TMEM59L: variants seen among roughly 807,000 people sequenced by gnomAD.
TMEM59L encodes transmembrane protein 59-like.
TMEM59L carries 31 observed loss-of-function variants against 39.6 expected under a neutral mutation model. The ratio of observed to expected loss-of-function variants is 0.78; its 90% CI spans 0.59 to 1.06. The LOEUF (loss-of-function observed/expected upper bound fraction) is 1.06, where lower values mean the gene tolerates loss of function less well. Among genes scored for constraint, TMEM59L ranks in the 50% least tolerant of loss-of-function variants. TMEM59L has a pLI of 0.00. For missense variants in TMEM59L, 441 were observed against 451.3 expected, an observed-to-expected ratio of 0.98 and a Z score of 0.21; for synonymous variants, 219 against 202.9, an observed-to-expected ratio of 1.08 and a Z score of -0.68.
intron 5 of TMEM59L, chr19:18,617,343 C>T (rs551213317): frequency 3.9e-5 from 24 of 612,290 alleles, no homozygotes; most frequent in Admixed American, 1.3e-4. Flanking sequence ...TCCATCTCCC[C>T]GGGTTCCATG....
chr19:18,618,195 C>T lies in TMEM59L; in HGVS notation c.705C>T (p.Ile235=), dbSNP rs1369708349. ...TGGACAAGGTGAGGAAGGCCAAGAT[C>T]CGAGTCAAGACCAGCAGCAAGGCCA... is the stretch of plus-strand genomic sequence containing the variant. ...GPLDKVRKAK[I]RVKTSSKAKV... Residue 235 remains isoleucine, a synonymous_variant, in exon 6 of 8, where the codon ATC becomes ATT. Coordinates refer to ENST00000262817, the MANE Select transcript of TMEM59L (RefSeq NM_012109.3). 6.2e-7 allele frequency: 1 copy of T among 1,613,600 alleles called. No individual in the cohort carries two copies. Among genetic ancestry groups the T allele is most frequent in the East Asian group, 2.2e-5 (1 of 44,860 alleles).
intron 4 of TMEM59L, among the ~76,000 whole-genome samples, chr19:18,616,484 C>T: frequency 6.6e-6 from 1 of 152,102 alleles, no homozygotes; most frequent in East Asian, 1.9e-4. Context: ...CCTCCACCTC[C>T]CAGGTTCAAG....
At chr19:18,619,293 C>T (rs777975790) in intron 7 of TMEM59L, among the ~76,000 whole-genome samples, 11 of 152,224 alleles carry the variant, frequency 7.2e-5, no homozygotes, top group Non-Finnish European at 1.6e-4. Flanking sequence ...CAGCCAGGAC[C>T]TCACACTTGC....
At chr19:18,613,775 G>A (rs533856562) in intron 1 of TMEM59L, 97 bp from the exon 2 acceptor site, 6 of 931,786 alleles carry the variant, frequency 6.4e-6, no homozygotes, top group Admixed American at 4.3e-5. Flanking sequence ...CGTGGGGAGC[G>A]GGGAAGCCTT....
intron 4 of TMEM59L, among the ~76,000 whole-genome samples, chr19:18,616,387 T>TGTTGTTG (rs370352685): frequency 1.5e-4 from 22 of 151,438 alleles, no homozygotes; most frequent in African/African-American, 3.2e-4. Context: ...GTGGTTTTTT[T>TGTTGTTG]TTGTTGTTGT....
At chr19:18,617,395 G>A (rs754244205) in intron 5 of TMEM59L, 24 of 526,876 alleles carry the variant, frequency 4.6e-5, no homozygotes, top group Middle Eastern at 2.8e-4. Flanking sequence ...TCAGGGTTCC[G>A]TGGCCCACCT....
At position 18,618,377 on chromosome 19, in the gene TMEM59L, G is replaced by A. The variant is rs766410383; in HGVS notation, c.785G>A (p.Arg262His). The change falls in exon 7 of 8, where the codon CGC becomes CAC. Residue 262 changes from arginine to histidine, a missense_variant and splice_region_variant. Transcript: ENST00000262817. ...DNDFLSCMSR[R>H]SGLPRWILAC... ...GTGGTGCCTGCCGGGCGGGGCAGGC[G>A]CTCGGGTCTGCCTCGCTGGATCCTG... is the stretch of plus-strand genomic sequence containing the variant. 6.2e-6 allele frequency: 10 copies of A among 1,604,542 alleles called. No homozygotes were observed. In the East Asian group the frequency reaches 1.1e-4, roughly 18 times the overall value.
chr19:18,617,893 T>C (rs990843984), intron 5 of TMEM59L: 2 of 529,762 alleles, frequency 3.8e-6, no homozygotes, highest in Non-Finnish European at 6.8e-6. Flanking sequence ...CTCCTAGAGT[T>C]CTTTGGTCTA....
At chr19:18,617,815 T>C in intron 5 of TMEM59L, 1 of 395,938 alleles carries the variant, frequency 2.5e-6, no homozygotes, top group Non-Finnish European at 4.7e-6. Context: ...CTCCTAAGGG[T>C]CATCTCCTAG....
In TMEM59L at chr19:18,618,453, C is replaced by T. The variant is rs373613257; in HGVS notation, c.861C>T (p.Ser287=). The change falls in exon 7 of 8, where the codon TCC becomes TCT. Residue 287 remains serine, a synonymous_variant. Transcript: ENST00000262817. ...TGGTGATGCTGTGGCTGAGCTGCTC[C>T]ACCCTGGTGACCGCGCCTGGCCAGC... The part of the protein sequence containing the change: ...SVLVMLWLSC[S]TLVTAPGQHL... 6.2e-7 allele frequency: 1 copy of T among 1,607,602 alleles called. No homozygotes were observed. Among genetic ancestry groups the T allele is most frequent in the Admixed American group, 1.7e-5 (1 of 59,568 alleles).
intron 5 of TMEM59L, 62 bp from the exon 6 acceptor site, chr19:18,618,093 C>A: frequency 1.5e-6 from 2 of 1,299,982 alleles, no homozygotes; most frequent in South Asian, 2.4e-5. Context: ...CCCTCCTGGT[C>A]ATGGTTATTG....
intron 1 of TMEM59L, 30 bp from the exon 2 acceptor site, chr19:18,613,842 G>A: frequency 3.8e-6 from 6 of 1,591,692 alleles, no homozygotes; most frequent in Non-Finnish European, 5.1e-6. Context: ...CCTCCCCATG[G>A]CCTGAGCCCC....
intron 7 of TMEM59L, among the ~76,000 whole-genome samples, chr19:18,619,973 T>TCACACACACACACA (rs57681167): frequency 8.6e-6 from 1 of 116,808 alleles, no homozygotes; most frequent in Non-Finnish European, 1.8e-5. Context: ...GAAGACCCCA[T>TCACACACACACACA]CACACACACA....
rs1012027891 is a variant in TMEM59L, at chr19:18,620,764, G to T, written c.*228G>T. On this transcript the variant is annotated 3_prime_UTR_variant, in exon 8 of 8. Transcript: ENST00000262817. ...GGTTCCTCCTTGTCCCCGCTTTCTT[G>T]GGGGCTTGCTACTTTTTGTCTTCTA... 2 of 486,436 alleles carry T rather than the reference G, an allele frequency of 4.1e-6. No homozygotes were observed. The highest frequency in any genetic ancestry group is 1.9e-5 in the African/African-American group (1 of 51,404). The allele number at this position is 486,436 out of a possible 1,614,324, so 30.1% of individuals were successfully genotyped here. A position where few individuals can be genotyped will look rare whatever the true frequency, so the allele number is the denominator to read the frequency against.
At position 18,616,043 on chromosome 19, in the gene TMEM59L, C is replaced by A. The variant is rs1282914763; in HGVS notation, c.477C>A (p.Asp159Glu). 6.2e-7 allele frequency: 1 copy of A among 1,614,042 alleles called. No individual in the cohort carries two copies. The highest frequency in any genetic ancestry group is 8.5e-7 in the Non-Finnish European group (1 of 1,180,006). ...LLDLFSTLCN[D>E]LVNSAQGFVS... ...ACTTGTTTTCCACCCTCTGCAATGA[C>A]CTTGTCAACTCAGCCCAGGGATTTG... Residue 159 changes from aspartate (D) to glutamate (E), a missense_variant, in exon 4 of 8, where the codon GAC (aspartate) becomes GAA (glutamate). Transcript: ENST00000262817.
chr19:18,613,039 C>A lies in TMEM59L; in HGVS notation c.81C>A (p.Ser27=). The A allele has an allele frequency of 7.2e-7, 1 of 1,392,364 alleles. No homozygotes were observed. The highest frequency in any genetic ancestry group is 9.3e-7 in the Non-Finnish European group (1 of 1,075,410). The allele number at this position is 1,392,364 out of a possible 1,614,324, so 86.3% of individuals were successfully genotyped here. Residue 27 remains serine (S), a synonymous_variant, in exon 1 of 8, where the codon TCC becomes TCA. Coordinates refer to ENST00000262817, the MANE Select transcript of TMEM59L (RefSeq NM_012109.3). ...LASPPAASAP[S]ARDPFAPQLG... Reference sequence around the variant, plus strand: ...CGCCGCCCGCCGCCTCCGCGCCGTCCGCCCGCGATCCCTTCGCCCCCCAGC... The same window carrying A: ...CGCCGCCCGCCGCCTCCGCGCCGTCAGCCCGCGATCCCTTCGCCCCCCAGC...
Position 18,617,099 on chromosome 19 carries a change from G to A in TMEM59L, c.661G>A (p.Val221Met), listed in dbSNP as rs756648449. ...GSHPEALEVHVDPVGPLDKVR... is the reference protein window; with the variant it reads ...GSHPEALEVHMDPVGPLDKVR... ...CCACCCTGAAGCCCTGGAGGTGCAC[G>A]TGGGTAAGGTGCAACCTAGACCAGT... is the stretch of plus-strand genomic sequence containing the variant. The change falls in exon 5 of 8, where the codon GTG (valine) becomes ATG (methionine). Residue 221 changes from valine to methionine, a missense_variant. By Grantham distance (21) the Val-to-Met change is conservative (BLOSUM62 1). Coordinates refer to ENST00000262817, the MANE Select transcript of TMEM59L (RefSeq NM_012109.3). 27 of 1,611,294 alleles carry A rather than the reference G, an allele frequency of 1.7e-5. No individual in the cohort carries two copies. Among genetic ancestry groups the A allele is most frequent in the South Asian group, 4.4e-5 (4 of 91,048 alleles).
intron 7 of TMEM59L, among the ~76,000 whole-genome samples, chr19:18,619,049 T>C (rs1255610309): frequency 6.6e-6 from 1 of 151,944 alleles, no homozygotes; most frequent in Non-Finnish European, 1.5e-5. Context: ...TGGAGTGCAG[T>C]GGCATGATCA....
At chr19:18,615,254 A>AT (rs1023582508) in intron 3 of TMEM59L, among the ~76,000 whole-genome samples, 1 of 152,182 alleles carries the variant, frequency 6.6e-6, no homozygotes, top group Non-Finnish European at 1.5e-5. Flanking sequence ...AAGTGCTGGG[A>AT]TTACAGGCAT....
Sources: allele counts gnomAD v4.1 joint callset (sites outside exome capture counted in the v4.1 genomes callset), GRCh38; gene constraint gnomAD v4.1.1; transcripts MANE v1.5; gene names NCBI Gene and HGNC (gene_info 2026-07-23, HGNC 2026-07-21).